The following RANBP17 variants were observed in gnomAD, a reference collection of about 807,000 sequenced individuals.
The protein encoded by RANBP17 is ran-binding protein 17.
In RANBP17, 158 loss-of-function variants were observed where a neutral mutation model predicts 141.2. That is an observed-to-expected ratio of 1.12 (90% CI 0.98 to 1.28). The LOEUF (loss-of-function observed/expected upper bound fraction) is 1.28, where lower values mean the gene tolerates loss of function less well. RANBP17 is among the 50% of genes most tolerant of loss of function. The pLI is 0.00. For synonymous variants in RANBP17, 430 were observed against 450.0 expected (o/e 0.96, Z 0.56); for missense variants, 1,438 against 1,290.7 (o/e 1.11, Z -1.75).
rs148278322 is a variant in RANBP17 at position 171,206,027 on chromosome 5, T to A, written c.2231+415T>A. 3.0e-3 allele frequency: 962 copies of A among 323,396 alleles called. 11 individuals carry two copies. The highest frequency in any genetic ancestry group is 0.019 in the African/African-American group (897 of 46,220). 20.0% of individuals were successfully genotyped at this position (323,396 alleles called of 1,614,324 possible). A position where few individuals can be genotyped will look rare whatever the true frequency, so the allele number is the denominator to read the frequency against. ...CAAGGCCTAACCCATCATGCCACAG[T>A]TTTTCATTATCATGAAGATAATGAA... On this transcript the variant is annotated intron_variant, in intron 20 of 27. Transcript: ENST00000523189.
intron 14 of RANBP17, among the ~76,000 whole-genome samples, chr5:171,039,253 T>G (rs1422720761): frequency 6.6e-6 from 1 of 151,360 alleles, no homozygotes; most frequent in Non-Finnish European, 1.5e-5. Flanking sequence ...TGGTTTTTTT[T>G]TTTTTTTTTT....
intron 14 of RANBP17, among the ~76,000 whole-genome samples, chr5:171,013,987 A>C: frequency 6.6e-6 from 1 of 152,070 alleles, no homozygotes; most frequent in East Asian, 1.9e-4. Flanking sequence ...ACTTCTATAC[A>C]GTTTCACTTT....
chr5:171,274,111 AGTGTGTGTGTGT>A (rs372324815), intron 25 of RANBP17, among the ~76,000 whole-genome samples: 15 of 143,208 alleles, frequency 1.0e-4, no homozygotes, highest in South Asian at 2.3e-4. Flanking sequence ...AGTTTGATCA[AGTGTGTGTGTGT>A]GTGTGTGTGT....
intron 14 of RANBP17, among the ~76,000 whole-genome samples, chr5:171,088,908 A>G (rs1197341535): frequency 6.6e-6 from 1 of 151,898 alleles, no homozygotes; most frequent in African/African-American, 2.4e-5. Flanking sequence ...TTTGGTTTGA[A>G]TGTCCTCCTG....
chr5:170,995,743 A>T (rs923811728), intron 14 of RANBP17, among the ~76,000 whole-genome samples: 1 of 152,160 alleles, frequency 6.6e-6, no homozygotes, highest in Non-Finnish European at 1.5e-5. Flanking sequence ...ATTTTCCTTT[A>T]TGAAAAATGT....
chr5:171,153,820 G>A (rs1436207814), intron 14 of RANBP17, among the ~76,000 whole-genome samples: 1 of 152,110 alleles, frequency 6.6e-6, no homozygotes, highest in Non-Finnish European at 1.5e-5. Flanking sequence ...CTGAGGTCGG[G>A]AGTTCAAGAC....
At chr5:171,133,302 G>A (rs1757056433) in intron 14 of RANBP17, among the ~76,000 whole-genome samples, 1 of 152,094 alleles carries the variant, frequency 6.6e-6, no homozygotes, top group Non-Finnish European at 1.5e-5. Flanking sequence ...TTGCTGTAAG[G>A]AGATACACAG....
In RANBP17 at chr5:170,967,982, T is replaced by C. The variant is rs545235638; in HGVS notation, c.1575-260T>C. 3.9e-5 allele frequency among the ~76,000 whole-genome samples: 6 copies of C among 152,000 alleles called. No homozygotes were observed. In the South Asian group the frequency reaches 1.2e-3, roughly 31 times the overall value. ...TATCAGTTTTTAGTAAAATAATATC[T>C]GTATATACATACAGAGTTTTGCATC... On this transcript the variant is annotated intron_variant, in intron 13 of 27. Coordinates refer to ENST00000523189, the MANE Select transcript of RANBP17 (RefSeq NM_022897.5).
rs374039323 is a variant in RANBP17 at position 170,918,807 on chromosome 5, A to G, written c.1049A>G (p.Glu350Gly). The G allele has an allele frequency of 3.7e-6, 6 of 1,604,740 alleles. No individual in the cohort carries two copies. Among genetic ancestry groups the G allele is most frequent in the Non-Finnish European group, 5.1e-6 (6 of 1,174,194 alleles). The change falls in exon 10 of 28, where the codon GAA becomes GGA. Residue 350 changes from glutamate (E) to glycine (G), a missense_variant. Glu to Gly is a moderately conservative substitution (Grantham distance 98). Transcript: ENST00000523189. ...YQLGELVMVK[E>G]YPEVIRLIAN... Reference sequence around the variant, plus strand: ...CTGGGAGAATTAGTTATGGTGAAGGAATATCCTGAAGTTATTAGATTGATT... The same window carrying G: ...CTGGGAGAATTAGTTATGGTGAAGGGATATCCTGAAGTTATTAGATTGATT...
chr5:170,919,677 G>A (rs1772269459), intron 11 of RANBP17, 64 bp downstream of exon 11: 2 of 1,312,578 alleles, frequency 1.5e-6, no homozygotes, highest in Admixed American at 5.1e-5. Flanking sequence ...TTAAGATAAA[G>A]TTATAAATTT....
chr5:171,090,152 T>A (rs565183305), intron 14 of RANBP17, among the ~76,000 whole-genome samples: 1 of 152,226 alleles, frequency 6.6e-6, no homozygotes, highest in African/African-American at 2.4e-5. Context: ...GTGGAAGAGT[T>A]TGGAACTCCC....
chr5:171,058,027 T>C lies in RANBP17; in HGVS notation c.1710+89650T>C, dbSNP rs182962073. On this transcript the variant is annotated intron_variant, in intron 14 of 27. Coordinates refer to ENST00000523189, the MANE Select transcript of RANBP17 (RefSeq NM_022897.5). The stretch of plus-strand genomic sequence containing the variant: ...ATAAATTCATACAGGGATTTCTAGC[T>C]TGAGATTTGGTTATATGTAGCTGGT... Among the ~76,000 whole-genome samples, 740 of 152,270 alleles carry C rather than the reference T, an allele frequency of 4.9e-3. 5 individuals carry two copies. Among genetic ancestry groups the C allele is most frequent in the African/African-American group, 0.016 (660 of 41,544 alleles).
intron 14 of RANBP17, among the ~76,000 whole-genome samples, chr5:171,125,548 A>C (rs565303877): frequency 6.6e-6 from 1 of 152,288 alleles, no homozygotes; most frequent in South Asian, 2.1e-4. Context: ...AAAGAGAATG[A>C]TGAAGTCCCC....
At chr5:170,957,922 C>T (rs1442649946) in intron 13 of RANBP17, among the ~76,000 whole-genome samples, 1 of 152,184 alleles carries the variant, frequency 6.6e-6, no homozygotes, top group Non-Finnish European at 1.5e-5. Flanking sequence ...CAGAGGCTTG[C>T]AGGAACCTAA....
chr5:171,065,758 G>T (rs1784274463), intron 14 of RANBP17, among the ~76,000 whole-genome samples: 1 of 152,148 alleles, frequency 6.6e-6, no homozygotes, highest in Non-Finnish European at 1.5e-5. Context: ...TTTAATGAAA[G>T]AGGTTTGTAG....
chr5:171,217,154 G>A (rs566939723), intron 21 of RANBP17, among the ~76,000 whole-genome samples: 7 of 152,012 alleles, frequency 4.6e-5, no homozygotes, highest in Non-Finnish European at 5.9e-5. Flanking sequence ...CCTTTTATGC[G>A]TCTGTTGAGA....
chr5:171,009,346 C>T (rs1779870642), intron 14 of RANBP17, among the ~76,000 whole-genome samples: 1 of 152,104 alleles, frequency 6.6e-6, no homozygotes, highest in Non-Finnish European at 1.5e-5. Context: ...TAGCTATTAA[C>T]ATTGCTTTAC....
At chr5:171,271,721 A>C (rs941564138) in intron 25 of RANBP17, 6 of 211,484 alleles carry the variant, frequency 2.8e-5, no homozygotes, top group Admixed American at 5.9e-5. Context: ...TGGATCAGGT[A>C]ATAACGGATT....
chr5:171,005,379 C>T (rs1411137360), intron 14 of RANBP17, among the ~76,000 whole-genome samples: 2 of 152,290 alleles, frequency 1.3e-5, no homozygotes, highest in South Asian at 4.1e-4. Context: ...CAGCATGGTA[C>T]TGGTATCAAA....
Sources: gnomAD v4.1 joint callset for allele counts (sites outside exome capture counted in the v4.1 genomes callset) on GRCh38, gnomAD v4.1.1 for gene constraint, MANE v1.5 for transcripts, NCBI Gene and HGNC (gene_info 2026-07-23, HGNC 2026-07-21) for gene names.